OSMR: variants seen among roughly 807,000 people sequenced by gnomAD.
The protein encoded by OSMR is oncostatin M receptor.
OSMR carries 81 observed loss-of-function variants against 99.9 expected under a neutral mutation model. The ratio of observed to expected loss-of-function variants is 0.81; its 90% CI spans 0.68 to 0.97. OSMR has a LOEUF of 0.97. OSMR is among the 50% of genes least tolerant of loss of function. The pLI, the probability that OSMR is intolerant of heterozygous loss-of-function variation, is 0.00. For synonymous variants in OSMR, 406 were observed against 410.4 expected (o/e 0.99, Z 0.13); for missense variants, 1,099 against 1,153.4 (o/e 0.95, Z 0.68).
At chr5:38,929,771 A>G (rs1310160479) in intron 15 of OSMR, among the ~76,000 whole-genome samples, 1 of 152,238 alleles carries the variant, frequency 6.6e-6, no homozygotes, top group Non-Finnish European at 1.5e-5. Flanking sequence ...GTACTAATAC[A>G]GTGATTGTGA....
chr5:38,877,832 G>C (rs917235322), intron 3 of OSMR, among the ~76,000 whole-genome samples: 1 of 152,122 alleles, frequency 6.6e-6, no homozygotes, highest in African/African-American at 2.4e-5. Flanking sequence ...CATACACCAA[G>C]TGGATTTTTT....
chr5:38,877,227 C>T (rs1330406187), intron 3 of OSMR, among the ~76,000 whole-genome samples: 1 of 152,178 alleles, frequency 6.6e-6, no homozygotes, highest in Non-Finnish European at 1.5e-5. Flanking sequence ...CCTCTGTCAG[C>T]TCAACCAGGC....
chr5:38,885,596 A>G (rs1004924358), intron 6 of OSMR, 112 bp downstream of exon 6: 1 of 1,382,090 alleles, frequency 7.2e-7, no homozygotes, highest in African/African-American at 1.4e-5. Flanking sequence ...CAAATATTTC[A>G]GAACCACCTG....
intron 1 of OSMR, chr5:38,942,986 T>A (rs1478052839): frequency 6.3e-7 from 1 of 1,577,314 alleles, no homozygotes; most frequent in African/African-American, 1.3e-5. Context: ...AATAAAAGAT[T>A]ATGGTGTGAT....
chr5:38,940,736 T>A (rs1242484154), intron 1 of OSMR: 3 of 232,430 alleles, frequency 1.3e-5, no homozygotes, highest in Non-Finnish European at 2.6e-5. Flanking sequence ...AAATGCTTCA[T>A]CCCAACTGGA....
chr5:38,925,810 A>G (rs1746448764), intron 15 of OSMR, among the ~76,000 whole-genome samples: 1 of 152,226 alleles, frequency 6.6e-6, no homozygotes, highest in Admixed American at 6.5e-5. Flanking sequence ...CATTTCCCTC[A>G]GCAGCAAACG....
intron 7 of OSMR, among the ~76,000 whole-genome samples, chr5:38,901,995 G>A (rs1744926776): frequency 6.6e-6 from 1 of 152,176 alleles, no homozygotes; most frequent in Admixed American, 6.5e-5. Context: ...CTTCTTTGGT[G>A]TTCAGCTTAA....
chr5:38,883,902 C>T lies in OSMR; in HGVS notation c.494C>T (p.Thr165Ile), dbSNP rs773912315. 2.3e-5 allele frequency: 37 copies of T among 1,613,284 alleles called. No homozygotes were observed. The highest frequency in any genetic ancestry group is 5.3e-5 in the African/African-American group (4 of 74,874). The change falls in exon 5 of 18, where the codon ACC becomes ATC. Residue 165 changes from threonine (T) to isoleucine (I), a missense_variant. Physicochemically the swap from Thr to Ile is moderately conservative, Grantham distance 89 (BLOSUM62 -1). Transcript: ENST00000274276. ...CTGGTGGAAGAAGGCACCAATGTTA[C>T]CATTTGTTACGTTTCTAGGAACATT... ...DKLVEEGTNVTICYVSRNIQN... is the reference protein window; with the variant it reads ...DKLVEEGTNVIICYVSRNIQN...
At chr5:38,917,009 T>C (rs905313972) in intron 9 of OSMR, among the ~76,000 whole-genome samples, 96 of 152,020 alleles carry the variant, frequency 6.3e-4, no homozygotes, top group Middle Eastern at 3.4e-3. Context: ...AGCAAGCAGG[T>C]GACCCAGGCG....
At position 38,862,710 on chromosome 5, in the gene OSMR, C is replaced by T. The variant is rs1361445383; in HGVS notation, c.-13-6322C>T. Among the ~76,000 whole-genome samples the T allele has an allele frequency of 5.9e-5, 9 of 152,092 alleles. No homozygotes were observed. In the East Asian group the frequency reaches 1.8e-3, roughly 30 times the overall value. On this transcript the variant is annotated intron_variant, in intron 1 of 17. Coordinates refer to ENST00000274276, the MANE Select transcript of OSMR (RefSeq NM_003999.3). ...TGCCGGGCAGAGACGCTCCTCACTT[C>T]CTAGATGGGATGGCGGCCGGGAAGA...
intron 15 of OSMR, among the ~76,000 whole-genome samples, chr5:38,931,072 C>T (rs1271845808): frequency 6.6e-6 from 1 of 151,916 alleles, no homozygotes; most frequent in South Asian, 2.1e-4. Context: ...TTAGTGATTA[C>T]ATTTTGGTTC....
chr5:38,941,791 G>T (rs1351631790), intron 1 of OSMR: 5 of 232,850 alleles, frequency 2.1e-5, no homozygotes, highest in Non-Finnish European at 4.2e-5. Context: ...ACGTGAAAGG[G>T]CCAAAGTTCC....
At chr5:38,875,809 G>A (rs549946396) in intron 2 of OSMR, among the ~76,000 whole-genome samples, 4 of 152,174 alleles carry the variant, frequency 2.6e-5, no homozygotes, top group African/African-American at 9.6e-5. Flanking sequence ...ATAAAATATT[G>A]ACTTTCAAAA....
At chr5:38,926,981 C>G (rs180734111) in intron 15 of OSMR, among the ~76,000 whole-genome samples, 3 of 152,204 alleles carry the variant, frequency 2.0e-5, no homozygotes, top group Non-Finnish European at 1.5e-5. Context: ...AACAAAGGAG[C>G]TGCAGGCCCC....
intron 1 of OSMR, among the ~76,000 whole-genome samples, chr5:38,943,434 C>G (rs1031659665): frequency 6.6e-6 from 1 of 152,024 alleles, no homozygotes. Flanking sequence ...GTTAAGGGCC[C>G]GCTCCCAGAG....
chr5:38,917,691 C>G, intron 10 of OSMR, 69 bp downstream of exon 10: 2 of 1,275,080 alleles, frequency 1.6e-6, no homozygotes, highest in Non-Finnish European at 1.1e-6. Flanking sequence ...AATGTGTCTT[C>G]CTCTGGAGAA....
rs979281543 is a variant in OSMR at position 38,846,212 on chromosome 5, C to A, written c.-189C>A. The A allele has an allele frequency of 6.6e-6, 1 of 152,286 alleles. No homozygotes were observed. Among genetic ancestry groups the A allele is most frequent in the Non-Finnish European group, 1.5e-5 (1 of 68,132 alleles). The allele number at this position is 152,286 out of a possible 1,614,324, so 9.4% of individuals were successfully genotyped here. A position where few individuals can be genotyped will look rare whatever the true frequency, so the allele number is the denominator to read the frequency against. On this transcript the variant is annotated 5_prime_UTR_variant, in exon 1 of 18. Coordinates refer to ENST00000274276, the MANE Select transcript of OSMR (RefSeq NM_003999.3). ...GGTGGCTTTTCCGACGGGCGAGCCC[C>A]GTGCTGTGCGGGAAAGAATCCGACA...
intron 7 of OSMR, among the ~76,000 whole-genome samples, chr5:38,899,023 C>T (rs547208860): frequency 1.1e-3 from 145 of 130,886 alleles, no homozygotes; most frequent in African/African-American, 3.2e-3. Flanking sequence ...TGCAGTGGTG[C>T]GATTTTAGCT....
chr5:38,911,706 A>G (rs575455779), intron 9 of OSMR, among the ~76,000 whole-genome samples: 1 of 152,290 alleles, frequency 6.6e-6, no homozygotes, highest in South Asian at 2.1e-4. Context: ...TTAAAAAGCT[A>G]ATCCACCACA....
Sources: allele counts gnomAD v4.1 joint callset (sites outside exome capture counted in the v4.1 genomes callset), GRCh38; gene constraint gnomAD v4.1.1; transcripts MANE v1.5; gene names NCBI Gene and HGNC (gene_info 2026-07-23, HGNC 2026-07-21).